The following WDR12 variants were observed in gnomAD, a reference collection of about 807,000 sequenced individuals.
WDR12 encodes the protein WD repeat domain 12.
Under a neutral mutation model 64.3 loss-of-function variants are expected in WDR12, and 42 were observed. The ratio of observed to expected loss-of-function variants is 0.65; its 90% CI spans 0.51 to 0.84. The LOEUF (loss-of-function observed/expected upper bound fraction) is 0.84. Ranked by LOEUF, WDR12 falls within the 40% of genes least tolerant of loss-of-function variation. The pLI is 0.00. For missense variants in WDR12, 469 were observed against 494.6 expected (o/e 0.95, Z 0.49); for synonymous variants, 158 against 173.3 (o/e 0.91, Z 0.70).
chr2:202,885,758 A>T (rs1395868315), intron 8 of WDR12, among the ~76,000 whole-genome samples: 1 of 152,188 alleles, frequency 6.6e-6, no homozygotes, highest in Non-Finnish European at 1.5e-5. Context: ...TATAAGGAGT[A>T]TATAAAAGAG....
chr2:202,911,314 G>C lies in WDR12; in HGVS notation c.41+122C>G, dbSNP rs534251108. The C allele has an allele frequency of 4.2e-5, 39 of 931,566 alleles. No homozygotes were observed. The African/African-American group carries it at 5.7e-4, about 14-fold the overall frequency. The allele number at this position is 931,566 out of a possible 1,614,324, so 57.7% of individuals were successfully genotyped here. A position where few individuals can be genotyped will look rare whatever the true frequency, so the allele number is the denominator to read the frequency against. On this transcript the variant is annotated intron_variant, in intron 1 of 12. Transcript: ENST00000261015. ...AACCTACGAAGCTGGTTAGAAAGCA[G>C]GTAATCTCAGAAAAAAGGGTGGGGG...
At chr2:202,894,169 G>A (rs923190162) in intron 7 of WDR12, among the ~76,000 whole-genome samples, 3 of 151,576 alleles carry the variant, frequency 2.0e-5, no homozygotes, top group African/African-American at 7.3e-5. Context: ...TGCCATACTG[G>A]TCTCTTTTTA....
rs1446583543 is a variant in WDR12, at chr2:202,874,813, G to C, written c.*6047C>G. 1 of 152,134 alleles carries C rather than the reference G, an allele frequency of 6.6e-6. No individual in the cohort carries two copies. The highest frequency in any genetic ancestry group is 1.5e-5 in the Non-Finnish European group (1 of 68,026). 9.4% of individuals were successfully genotyped at this position (152,134 alleles called of 1,614,324 possible). A position where few individuals can be genotyped will look rare whatever the true frequency, so the allele number is the denominator to read the frequency against. On this transcript the variant is annotated 3_prime_UTR_variant, in exon 13 of 13. Coordinates refer to ENST00000261015, the MANE Select transcript of WDR12 (RefSeq NM_018256.4). Reference sequence around the variant, plus strand: ...CCCTACTACATTTCTGTTTATTCAAGCAAAGCTAGAAACAGTATTAGAATT... The same window carrying C: ...CCCTACTACATTTCTGTTTATTCAACCAAAGCTAGAAACAGTATTAGAATT...
chr2:202,909,130 A>C (rs1395965119), intron 1 of WDR12, among the ~76,000 whole-genome samples: 2 of 152,224 alleles, frequency 1.3e-5, no homozygotes, highest in East Asian at 3.8e-4. Context: ...ACAGTCTGGC[A>C]GTTCCTCAAA....
At chr2:202,884,557 A>G (rs1688015359) in intron 8 of WDR12, 22 bp from the exon 9 acceptor site, 3 of 1,596,514 alleles carry the variant, frequency 1.9e-6, no homozygotes, top group Admixed American at 1.8e-5. Flanking sequence ...GAACCCCAAA[A>G]GGGGAAAGTG....
Position 202,880,404 on chromosome 2 carries a change from A to AG in WDR12, c.*455dup, listed in dbSNP as rs944267481. 6.6e-6 allele frequency: 1 copy of AG among 152,456 alleles called. No homozygotes were observed. Among genetic ancestry groups the AG allele is most frequent in the African/African-American group, 2.4e-5 (1 of 41,422 alleles). The allele number at this position is 152,456 out of a possible 1,614,324, so 9.4% of individuals were successfully genotyped here. On this transcript the variant is annotated 3_prime_UTR_variant, in exon 13 of 13. Transcript: ENST00000261015. ...CTCTACTAAAAATACAAAAATTAGC[A>AG]GGACATCGTGATGTGTGCCTGTAAT...
rs72934745 is a variant in WDR12 at position 202,879,731 on chromosome 2, C to T, written c.*1129G>A. ...ACAAGCATGAGCCACCGTGCCCTGC[C>T]GAATCAATATTTTGTTATCGTTGTT... On this transcript the variant is annotated 3_prime_UTR_variant, in exon 13 of 13. Coordinates refer to ENST00000261015, the MANE Select transcript of WDR12 (RefSeq NM_018256.4). The T allele has an allele frequency of 0.089, 13,475 of 151,616 alleles. 723 individuals carry two copies. Among genetic ancestry groups the T allele is most frequent in the Non-Finnish European group, 0.12 (8,458 of 67,956 alleles). The allele number at this position is 151,616 out of a possible 1,614,324, so 9.4% of individuals were successfully genotyped here.
chr2:202,896,348 G>T, intron 5 of WDR12, 129 bp from the exon 6 acceptor site: 1 of 1,045,104 alleles, frequency 9.6e-7, no homozygotes, highest in Non-Finnish European at 1.3e-6. Flanking sequence ...AACTCATATG[G>T]CCAGGTTTTA....
intron 12 of WDR12, among the ~76,000 whole-genome samples, chr2:202,881,337 A>G (rs1687944994): frequency 1.3e-5 from 2 of 152,236 alleles, no homozygotes; most frequent in Non-Finnish European, 2.9e-5. Context: ...TTAGGCAGTA[A>G]GAGCTTACGT....
chr2:202,885,307 C>T (rs558282765), intron 8 of WDR12, among the ~76,000 whole-genome samples: 4 of 152,142 alleles, frequency 2.6e-5, no homozygotes, highest in Non-Finnish European at 4.4e-5. Context: ...TTTCATGTAA[C>T]GTGTTGCGTG....
At chr2:202,903,940 C>T (rs1382057746) in intron 2 of WDR12, among the ~76,000 whole-genome samples, 1 of 151,768 alleles carries the variant, frequency 6.6e-6, no homozygotes, top group Non-Finnish European at 1.5e-5. Context: ...GAGCTCGTGA[C>T]CAGCCTGGCC....
In WDR12 at chr2:202,911,669, T is replaced by A; in HGVS notation, c.-193A>T. ...TCTGCAGAAAGCACGAGGTTGCCCTTCTACAGACGCCCAGACCACAAACAT... is the reference window on the plus strand; with the variant it reads ...TCTGCAGAAAGCACGAGGTTGCCCTACTACAGACGCCCAGACCACAAACAT... On this transcript the variant is annotated 5_prime_UTR_variant, in exon 1 of 13. Transcript: ENST00000261015. The A allele has an allele frequency of 1.7e-6, 1 of 604,692 alleles. No homozygotes were observed. The highest frequency in any genetic ancestry group is 3.0e-6 in the Non-Finnish European group (1 of 335,750). 37.5% of individuals were successfully genotyped at this position (604,692 alleles called of 1,614,324 possible). A position where few individuals can be genotyped will look rare whatever the true frequency, so the allele number is the denominator to read the frequency against.
At chr2:202,907,987 T>C (rs369384319) in intron 1 of WDR12, 28 bp from the exon 2 acceptor site, 1 of 1,585,606 alleles carries the variant, frequency 6.3e-7, no homozygotes, top group Non-Finnish European at 8.7e-7. Context: ...TATGTCAAGA[T>C]CAAGTCTACA....
In WDR12 at chr2:202,884,553, C is replaced by CA; in HGVS notation, c.742-19dup. On this transcript the variant is annotated intron_variant, in intron 8 of 12. Coordinates refer to ENST00000261015, the MANE Select transcript of WDR12 (RefSeq NM_018256.4). ...ATGGGAGTCTAGAAAGGAAGAACCC[C>CA]AAAAGGGGAAAGTGTTTTCATTACA... is the stretch of plus-strand genomic sequence containing the variant. The CA allele has an allele frequency of 6.3e-7, 1 of 1,597,296 alleles. No individual in the cohort carries two copies. Among genetic ancestry groups the CA allele is most frequent in the Non-Finnish European group, 8.5e-7 (1 of 1,175,588 alleles).
At chr2:202,901,640 T>C (rs1055157627) in intron 2 of WDR12, among the ~76,000 whole-genome samples, 1 of 152,224 alleles carries the variant, frequency 6.6e-6, no homozygotes, top group African/African-American at 2.4e-5. Context: ...TACATTATAT[T>C]TGATTAATGT....
At position 202,876,625 on chromosome 2, in the gene WDR12, T is replaced by C. The variant is rs953266558; in HGVS notation, c.*4235A>G. Reference sequence around the variant, plus strand: ...TTTTTTCCTTTAAGAATAGGAGCCATAGTAATATCTATTAAAAAATCTGTA... The same window carrying C: ...TTTTTTCCTTTAAGAATAGGAGCCACAGTAATATCTATTAAAAAATCTGTA... On this transcript the variant is annotated 3_prime_UTR_variant, in exon 13 of 13. Coordinates refer to ENST00000261015, the MANE Select transcript of WDR12 (RefSeq NM_018256.4). 1.2e-4 allele frequency: 19 copies of C among 152,172 alleles called. No individual in the cohort carries two copies. The highest frequency in any genetic ancestry group is 4.6e-4 in the African/African-American group (19 of 41,438). The allele number at this position is 152,172 out of a possible 1,614,324, so 9.4% of individuals were successfully genotyped here.
rs756202069 is a variant in WDR12, at chr2:202,880,841, G to C, written c.*19C>G. 5 of 1,596,772 alleles carry C rather than the reference G, an allele frequency of 3.1e-6. No homozygotes were observed. In the East Asian group the frequency reaches 1.1e-4, roughly 36 times the overall value. On this transcript the variant is annotated 3_prime_UTR_variant, in exon 13 of 13. Coordinates refer to ENST00000261015, the MANE Select transcript of WDR12 (RefSeq NM_018256.4). ...TTCATTTACAGAAATAATCTCTATA[G>C]TCAAATTATTGTTCACTTTCATGCC...
Position 202,894,907 on chromosome 2 carries a change from C to G in WDR12, c.610-281G>C, listed in dbSNP as rs892930543. 5.2e-5 allele frequency: 14 copies of G among 269,812 alleles called. 1 individual carries two copies. The highest frequency in any genetic ancestry group is 6.9e-5 in the Non-Finnish European group (10 of 144,160). 16.7% of individuals were successfully genotyped at this position (269,812 alleles called of 1,614,324 possible). On this transcript the variant is annotated intron_variant, in intron 6 of 12. Transcript: ENST00000261015. ...AGCGAGAGGGTGTGCGGACCACATTCAAGCCTCTATTCCACTGGTTCCTGA... is the reference window on the plus strand; with the variant it reads ...AGCGAGAGGGTGTGCGGACCACATTGAAGCCTCTATTCCACTGGTTCCTGA...
At position 202,896,134 on chromosome 2, in the gene WDR12, T is replaced by G; in HGVS notation, c.540A>C (p.Lys180Asn). 6.2e-7 allele frequency: 1 copy of G among 1,614,110 alleles called. No individual in the cohort carries two copies. The highest frequency in any genetic ancestry group is 8.5e-7 in the Non-Finnish European group (1 of 1,179,994). The change falls in exon 6 of 13, where the codon AAA becomes AAC. Residue 180 changes from lysine (K) to asparagine (N), a missense_variant. Coordinates refer to ENST00000261015, the MANE Select transcript of WDR12 (RefSeq NM_018256.4). ...CATGACCTCTACAGCAGTGTAGGGC[T>G]TTCACTTTGTTTCTCTCTACATTCC... ...WEWNVERNKV[K>N]ALHCCRGHAG...
Sources: allele counts gnomAD v4.1 joint callset (sites outside exome capture counted in the v4.1 genomes callset), GRCh38; gene constraint gnomAD v4.1.1; transcripts MANE v1.5; gene names NCBI Gene and HGNC (gene_info 2026-07-23, HGNC 2026-07-21).